SRPK1: variants seen among roughly 807,000 people sequenced by gnomAD.
SRPK1 encodes SRSF protein kinase 1, also known as SFRS protein kinase 1.
SRPK1 carries 52 observed loss-of-function variants against 89.5 expected under a neutral mutation model. That is an observed-to-expected ratio of 0.58 (90% CI 0.46 to 0.73). The LOEUF is 0.73. Among genes scored for constraint, SRPK1 ranks in the 30% least tolerant of loss-of-function variants. The probability of loss-of-function intolerance (pLI) is 0.00; values close to 1 mark genes in which losing one functional copy is unlikely to be tolerated. For missense variants in SRPK1, 603 were observed against 780.6 expected (o/e 0.77, Z 2.71); for synonymous variants, 255 against 270.2 (o/e 0.94, Z 0.55).
At position 35,918,684 on chromosome 6, in the gene SRPK1, A is replaced by G. The variant is rs1259003358; in HGVS notation, c.74+1784T>C. The stretch of plus-strand genomic sequence containing the variant: ...TGAAATATTCAGTAAAATGACTGCT[A>G]GATTATCTATAATCCATACTTGCAA... On this transcript the variant is annotated intron_variant, in intron 2 of 15. Transcript: ENST00000373825. Among the ~76,000 whole-genome samples, 4 of 152,248 alleles carry G rather than the reference A, an allele frequency of 2.6e-5. No individual in the cohort carries two copies. In the South Asian group the frequency reaches 8.3e-4, roughly 31 times the overall value.
intron 6 of SRPK1, among the ~76,000 whole-genome samples, chr6:35,880,167 A>AT (rs746048514): frequency 1.4e-4 from 21 of 151,870 alleles, no homozygotes; most frequent in Non-Finnish European, 2.4e-4. Flanking sequence ...ATTAATGAGG[A>AT]TAAAAAAAAA....
intron 7 of SRPK1, among the ~76,000 whole-genome samples, chr6:35,873,592 C>T (rs766687832): frequency 2.2e-4 from 33 of 151,400 alleles, no homozygotes; most frequent in Non-Finnish European, 4.1e-4. Context: ...CGGGTTCAAG[C>T]GATTCTCCTG....
chr6:35,851,346 G>T (rs573872862), intron 13 of SRPK1, among the ~76,000 whole-genome samples: 1 of 151,878 alleles, frequency 6.6e-6, no homozygotes. Flanking sequence ...GCTAACTTTT[G>T]TATTTTTGGT....
At chr6:35,887,964 T>C (rs1770444541) in intron 5 of SRPK1, 60 bp downstream of exon 5, 2 of 1,246,540 alleles carry the variant, frequency 1.6e-6, no homozygotes, top group Admixed American at 2.9e-5. Flanking sequence ...TGTGTTTTTA[T>C]TCAATGAAAC....
At chr6:35,868,293 A>G (rs1252956990) in intron 12 of SRPK1, among the ~76,000 whole-genome samples, 2 of 152,142 alleles carry the variant, frequency 1.3e-5, no homozygotes, top group African/African-American at 2.4e-5. Flanking sequence ...TAACTGAAGT[A>G]TCCTTTCTAG....
intron 2 of SRPK1, among the ~76,000 whole-genome samples, chr6:35,895,033 C>T (rs1053721206): frequency 1.3e-5 from 2 of 151,562 alleles, no homozygotes; most frequent in Non-Finnish European, 2.9e-5. Context: ...TGAGAGATTC[C>T]GGGGAAAAAA....
intron 2 of SRPK1, among the ~76,000 whole-genome samples, chr6:35,916,777 G>A (rs1393454337): frequency 6.6e-6 from 1 of 152,184 alleles, no homozygotes; most frequent in Non-Finnish European, 1.5e-5. Flanking sequence ...CAGACATATA[G>A]GTCAGGCACG....
intron 6 of SRPK1, among the ~76,000 whole-genome samples, chr6:35,886,281 T>C (rs1479192919): frequency 1.3e-5 from 2 of 152,132 alleles, no homozygotes; most frequent in African/African-American, 4.8e-5. Flanking sequence ...AGTTTCACCA[T>C]GTTCGCCAGG....
At chr6:35,896,729 G>A (rs1477909022) in intron 2 of SRPK1, among the ~76,000 whole-genome samples, 1 of 152,204 alleles carries the variant, frequency 6.6e-6, no homozygotes, top group Non-Finnish European at 1.5e-5. Flanking sequence ...AACTTATTAT[G>A]AATGTACTAT....
intron 13 of SRPK1, among the ~76,000 whole-genome samples, chr6:35,851,838 G>T (rs1015260472): frequency 2.6e-5 from 4 of 152,172 alleles, no homozygotes; most frequent in African/African-American, 9.7e-5. Flanking sequence ...CAATTAAGAG[G>T]AAGGGCCTAT....
chr6:35,893,685 C>T (rs1287518480), intron 2 of SRPK1, among the ~76,000 whole-genome samples: 2 of 152,138 alleles, frequency 1.3e-5, no homozygotes, highest in Non-Finnish European at 2.9e-5. Flanking sequence ...TTTCCAGATT[C>T]TGGCATTCAG....
intron 2 of SRPK1, chr6:35,920,049 T>C (rs1205612713): frequency 8.7e-6 from 4 of 457,324 alleles, no homozygotes. Flanking sequence ...CATTCAAGAA[T>C]TTCCTTAAGG....
chr6:35,854,786 C>T (rs962546173), intron 13 of SRPK1, among the ~76,000 whole-genome samples: 1 of 152,150 alleles, frequency 6.6e-6, no homozygotes, highest in Non-Finnish European at 1.5e-5. Context: ...AGCAAATCCA[C>T]ATTTTAATAA....
chr6:35,850,748 C>CA (rs369163405), intron 13 of SRPK1, among the ~76,000 whole-genome samples: 153 of 151,750 alleles, frequency 1.0e-3, no homozygotes, highest in Admixed American at 6.4e-3. Context: ...CAAACAACAA[C>CA]AAAAAAAACC....
intron 13 of SRPK1, among the ~76,000 whole-genome samples, chr6:35,843,334 C>CAAAAA (rs113392736): frequency 1.4e-5 from 1 of 71,246 alleles, no homozygotes; most frequent in Non-Finnish European, 3.6e-5. Context: ...CAAAAAAAAT[C>CAAAAA]AAAAAAAAAA....
chr6:35,892,296 A>G (rs1770532941), intron 2 of SRPK1, among the ~76,000 whole-genome samples: 1 of 152,186 alleles, frequency 6.6e-6, no homozygotes, highest in African/African-American at 2.4e-5. Context: ...CAAGCAGCAT[A>G]AAAACCTGAA....
At chr6:35,842,692 A>G in intron 13 of SRPK1, 88 bp from the exon 14 acceptor site, 1 of 837,060 alleles carries the variant, frequency 1.2e-6, no homozygotes, top group Non-Finnish European at 1.7e-6. Flanking sequence ...ATATGAAGTA[A>G]CTCTTGTTCC....
At chr6:35,850,158 A>G (rs1769523091) in intron 13 of SRPK1, among the ~76,000 whole-genome samples, 1 of 152,230 alleles carries the variant, frequency 6.6e-6, no homozygotes, top group African/African-American at 2.4e-5. Flanking sequence ...ACATCTGACG[A>G]GTACATTCGT....
intron 15 of SRPK1, among the ~76,000 whole-genome samples, chr6:35,836,209 G>C (rs1769175197): frequency 6.6e-6 from 1 of 152,080 alleles, no homozygotes; most frequent in South Asian, 2.1e-4. Flanking sequence ...CTGCAGTAGG[G>C]ATCTAGGTTG....
Sources: allele counts gnomAD v4.1 joint callset (sites outside exome capture counted in the v4.1 genomes callset), GRCh38; gene constraint gnomAD v4.1.1; transcripts MANE v1.5; gene names NCBI Gene and HGNC (gene_info 2026-07-23, HGNC 2026-07-21).